Variants in USH2A observed in about 807,000 individuals in gnomAD.
USH2A encodes Usher syndrome 2A (autosomal recessive, mild).
USH2A carries 443 observed loss-of-function variants against 538.9 expected under a neutral mutation model. That is an observed-to-expected ratio of 0.82 (90% confidence interval 0.76 to 0.89). The LOEUF (loss-of-function observed/expected upper bound fraction) is 0.89. USH2A is among the 40% of genes least tolerant of loss of function. The pLI is 0.00. For missense variants in USH2A, 6,633 were observed against 6,324.8 expected, an observed-to-expected ratio of 1.05 and a Z score of -1.65; for synonymous variants, 2,413 against 2,273.5, an observed-to-expected ratio of 1.06 and a Z score of -1.75.
At chr1:215,991,005 C>T (rs1190715796) in intron 35 of USH2A, among the ~76,000 whole-genome samples, 2 of 152,042 alleles carry the variant, frequency 1.3e-5, no homozygotes, top group African/African-American at 4.8e-5. Flanking sequence ...TCATGATCCA[C>T]CCCCCTCAGC....
intron 64 of USH2A, among the ~76,000 whole-genome samples, chr1:215,663,589 C>T (rs1209021686): frequency 6.6e-6 from 1 of 152,072 alleles, no homozygotes; most frequent in Non-Finnish European, 1.5e-5. Context: ...TGCAGCCCTG[C>T]CTGTAGGAGG....
chr1:215,813,994 A>G (rs1233411855), intron 48 of USH2A, 90 bp from the exon 49 acceptor site: 4 of 1,398,270 alleles, frequency 2.9e-6, no homozygotes, highest in Non-Finnish European at 4.0e-6. Flanking sequence ...ATTTTCTTGT[A>G]AGGCATAGAA....
chr1:216,153,154 C>T (rs554297963), intron 21 of USH2A, among the ~76,000 whole-genome samples: 19 of 152,330 alleles, frequency 1.2e-4, no homozygotes, highest in Non-Finnish European at 2.2e-4. Context: ...TACCATCCTT[C>T]AGTTTATCCA....
chr1:216,116,608 A>C (rs2033014989), intron 21 of USH2A, among the ~76,000 whole-genome samples: 1 of 152,178 alleles, frequency 6.6e-6, no homozygotes, highest in South Asian at 2.1e-4. Flanking sequence ...AAAAAATTAG[A>C]GTCCCAGAAA....
chr1:216,361,073 A>C (rs550123996), intron 4 of USH2A, among the ~76,000 whole-genome samples: 1 of 152,158 alleles, frequency 6.6e-6, no homozygotes, highest in Non-Finnish European at 1.5e-5. Flanking sequence ...TCACTGGGGC[A>C]GAATAGAAAG....
chr1:216,032,640 C>T (rs1192518967), intron 32 of USH2A, among the ~76,000 whole-genome samples: 1 of 152,060 alleles, frequency 6.6e-6, no homozygotes, highest in Admixed American at 6.5e-5. Flanking sequence ...TAACTACGAG[C>T]AATTTAAAGC....
At chr1:216,075,514 C>G (rs2031715513) in intron 27 of USH2A, among the ~76,000 whole-genome samples, 1 of 152,160 alleles carries the variant, frequency 6.6e-6, no homozygotes, top group African/African-American at 2.4e-5. Flanking sequence ...AAAAGGCGGC[C>G]CAGAGCTCTA....
intron 44 of USH2A, among the ~76,000 whole-genome samples, chr1:215,848,409 A>T (rs1227572195): frequency 6.6e-6 from 1 of 152,216 alleles, no homozygotes; most frequent in African/African-American, 2.4e-5. Context: ...TGTGCCTGTT[A>T]TCTGCACTAT....
intron 60 of USH2A, among the ~76,000 whole-genome samples, chr1:215,729,732 G>T (rs115609631): frequency 0.023 from 3,543 of 152,250 alleles, 103 homozygotes; most frequent in Non-Finnish European, 0.025. Context: ...CTGGACTCAA[G>T]AAATCCTCCT....
At chr1:215,644,325 G>A (rs987994509) in intron 67 of USH2A, among the ~76,000 whole-genome samples, 1 of 152,170 alleles carries the variant, frequency 6.6e-6, no homozygotes, top group Admixed American at 6.5e-5. Context: ...GGAGATGTCT[G>A]TGAGGAATCT....
chr1:216,204,966 A>C (rs1173378044), intron 16 of USH2A, among the ~76,000 whole-genome samples: 2 of 152,186 alleles, frequency 1.3e-5, no homozygotes, highest in Admixed American at 1.3e-4. Context: ...TGATTAGTGA[A>C]TGAATACACA....
intron 61 of USH2A, among the ~76,000 whole-genome samples, chr1:215,704,914 C>G (rs1320137698): frequency 2.0e-5 from 3 of 152,172 alleles, no homozygotes; most frequent in Non-Finnish European, 2.9e-5. Context: ...TTTCTCCCCA[C>G]TAGACCTTGA....
At chr1:215,920,583 C>A (rs935156850) in intron 38 of USH2A, among the ~76,000 whole-genome samples, 1 of 151,964 alleles carries the variant, frequency 6.6e-6, no homozygotes, top group African/African-American at 2.4e-5. Context: ...GAGGAAAGTT[C>A]TGTAATTATG....
Position 215,671,166 on chromosome 1 carries a change from C to T in USH2A, c.13939G>A (p.Gly4647Arg). Reference protein sequence around the residue: ...PPHLEVQMAPGGFQPTVSLLW... With the variant: ...PPHLEVQMAPRGFQPTVSLLW... The stretch of plus-strand genomic sequence containing the variant: ...AGAGAAACAGTTGGCTGGAATCCTC[C>T]TGGAGCCATTTGTACCTCCAGATGT... Residue 4647 changes from glycine (G) to arginine (R), a missense_variant, in exon 64 of 72, where the codon GGA (glycine) becomes AGA (arginine). Coordinates refer to ENST00000307340, the MANE Select transcript of USH2A (RefSeq NM_206933.4). 1 of 1,614,096 alleles carries T rather than the reference C, an allele frequency of 6.2e-7. No homozygotes were observed. The highest frequency in any genetic ancestry group is 8.5e-7 in the Non-Finnish European group (1 of 1,180,020).
At chr1:216,082,462 T>TAA (rs75095481) in intron 26 of USH2A, among the ~76,000 whole-genome samples, 3,313 of 132,550 alleles carry the variant, frequency 0.025, 134 homozygotes, top group African/African-American at 0.082. Flanking sequence ...CTAGGAATGT[T>TAA]AAAAAAAAAA....
At chr1:215,916,996 G>C (rs1451079871) in intron 38 of USH2A, among the ~76,000 whole-genome samples, 1 of 152,120 alleles carries the variant, frequency 6.6e-6, no homozygotes, top group Non-Finnish European at 1.5e-5. Flanking sequence ...CCAAAGCTGT[G>C]AATGATGCAG....
intron 38 of USH2A, among the ~76,000 whole-genome samples, chr1:215,912,465 A>ATGTGTG (rs1553275486): frequency 8.4e-5 from 1 of 11,946 alleles, no homozygotes; most frequent in African/African-American, 2.5e-4. Context: ...ATATATATAT[A>ATGTGTG]TATATATATA....
At chr1:216,200,854 C>T (rs1272175561) in intron 16 of USH2A, among the ~76,000 whole-genome samples, 1 of 152,124 alleles carries the variant, frequency 6.6e-6, no homozygotes, top group African/African-American at 2.4e-5. Context: ...GCTGCCTGCT[C>T]CGCCATGGGG....
At chr1:215,770,034 C>G (rs544381341) in intron 55 of USH2A, among the ~76,000 whole-genome samples, 1 of 152,310 alleles carries the variant, frequency 6.6e-6, no homozygotes, top group African/African-American at 2.4e-5. Flanking sequence ...ATGATGTTTG[C>G]TAATGTGTGT....
Sources: gnomAD v4.1 joint callset for allele counts (sites outside exome capture counted in the v4.1 genomes callset) on GRCh38, gnomAD v4.1.1 for gene constraint, MANE v1.5 for transcripts, NCBI Gene and HGNC (gene_info 2026-07-23, HGNC 2026-07-21) for gene names.